Variants in CDIN1 observed in about 807,000 individuals in gnomAD.
CDIN1 encodes the protein CDAN1-interacting nuclease 1.
In CDIN1, 33 loss-of-function variants were observed where a neutral mutation model predicts 45.3. That is an observed-to-expected ratio of 0.73 (90% confidence interval 0.55 to 0.97). The LOEUF (loss-of-function observed/expected upper bound fraction) is 0.97, where lower values mean the gene tolerates loss of function less well. Among genes scored for constraint, CDIN1 ranks in the 50% least tolerant of loss-of-function variants. The pLI is 0.00. For synonymous variants in CDIN1, 118 were observed against 124.4 expected (o/e 0.95, Z 0.34); for missense variants, 303 against 339.4 (o/e 0.89, Z 0.84).
At chr15:36,692,099 C>G in intron 6 of CDIN1, 27 bp from the exon 7 acceptor site, 1 of 1,612,450 alleles carries the variant, frequency 6.2e-7, no homozygotes, top group Non-Finnish European at 8.5e-7. Flanking sequence ...CGCCCCACCC[C>G]AGACCCCTTT....
At chr15:36,594,065 C>G (rs1052258588) in intron 1 of CDIN1, among the ~76,000 whole-genome samples, 11 of 152,098 alleles carry the variant, frequency 7.2e-5, no homozygotes, top group Non-Finnish European at 1.2e-4. Flanking sequence ...CTTATTTTTG[C>G]AGTTCTGCTA....
chr15:36,648,002 G>A (rs2040410343), intron 3 of CDIN1, among the ~76,000 whole-genome samples: 2 of 152,076 alleles, frequency 1.3e-5, no homozygotes, highest in Non-Finnish European at 2.9e-5. Flanking sequence ...ACCACGCCCG[G>A]CTAATTTTTT....
intron 1 of CDIN1, among the ~76,000 whole-genome samples, chr15:36,626,248 T>C (rs1463142274): frequency 6.6e-6 from 1 of 151,872 alleles, no homozygotes; most frequent in Non-Finnish European, 1.5e-5. Context: ...AGGGAAGGCC[T>C]TATATATTAA....
At chr15:36,769,860 T>C (rs1042477029) in intron 10 of CDIN1, among the ~76,000 whole-genome samples, 4 of 152,128 alleles carry the variant, frequency 2.6e-5, no homozygotes, top group Non-Finnish European at 2.9e-5. Context: ...TCTAAGAACC[T>C]GTGCGATAAA....
At chr15:36,612,144 G>A (rs991375985) in intron 1 of CDIN1, among the ~76,000 whole-genome samples, 1 of 152,152 alleles carries the variant, frequency 6.6e-6, no homozygotes, top group Non-Finnish European at 1.5e-5. Context: ...ATCTTTCATG[G>A]CCATGGGACT....
At chr15:36,712,691 C>A (rs1468435741) in intron 10 of CDIN1, among the ~76,000 whole-genome samples, 1 of 152,096 alleles carries the variant, frequency 6.6e-6, no homozygotes, top group Non-Finnish European at 1.5e-5. Flanking sequence ...CTTAACTAAC[C>A]TTGAAAACAT....
intron 5 of CDIN1, among the ~76,000 whole-genome samples, chr15:36,672,975 A>G (rs1197075497): frequency 6.6e-6 from 1 of 152,050 alleles, no homozygotes; most frequent in Non-Finnish European, 1.5e-5. Context: ...AGGCATATTC[A>G]GTTCAGTTTA....
At chr15:36,672,455 A>G (rs940725688) in intron 5 of CDIN1, among the ~76,000 whole-genome samples, 1 of 152,080 alleles carries the variant, frequency 6.6e-6, no homozygotes, top group African/African-American at 2.4e-5. Flanking sequence ...GTCCTCCAGG[A>G]GCTTGCATCC....
intron 1 of CDIN1, among the ~76,000 whole-genome samples, chr15:36,644,048 G>T (rs1385223152): frequency 6.6e-6 from 1 of 152,130 alleles, no homozygotes; most frequent in East Asian, 1.9e-4. Flanking sequence ...AAAATAATGT[G>T]ATAGTTGCTT....
intron 1 of CDIN1, among the ~76,000 whole-genome samples, chr15:36,616,910 G>A (rs556800150): frequency 6.6e-6 from 1 of 151,876 alleles, no homozygotes; most frequent in Non-Finnish European, 1.5e-5. Flanking sequence ...GGGTGACACA[G>A]CAAGACTTAG....
chr15:36,670,338 T>G (rs1466185530), intron 5 of CDIN1, among the ~76,000 whole-genome samples: 2 of 152,110 alleles, frequency 1.3e-5, no homozygotes, highest in Non-Finnish European at 2.9e-5. Flanking sequence ...AGCGCTCCTC[T>G]TCAAGAACAC....
chr15:36,662,202 A>G (rs921948907), intron 5 of CDIN1, among the ~76,000 whole-genome samples: 1 of 152,178 alleles, frequency 6.6e-6, no homozygotes, highest in Non-Finnish European at 1.5e-5. Context: ...GTTAATAGTC[A>G]CATCATTTGA....
intron 10 of CDIN1, among the ~76,000 whole-genome samples, chr15:36,725,654 G>A (rs990477300): frequency 2.6e-5 from 4 of 152,232 alleles, no homozygotes; most frequent in African/African-American, 9.6e-5. Context: ...GTTAGTTGGA[G>A]GCAAGAGAAC....
intron 10 of CDIN1, among the ~76,000 whole-genome samples, chr15:36,767,566 G>A (rs137962066): frequency 2.0e-5 from 3 of 152,334 alleles, no homozygotes; most frequent in African/African-American, 7.2e-5. Context: ...CAGAGAAGCA[G>A]GTGGGCTTCA....
At chr15:36,696,946 TAAAAAAAAAAAA>T (rs1163749494) in intron 7 of CDIN1, among the ~76,000 whole-genome samples, 2 of 92,256 alleles carry the variant, frequency 2.2e-5, no homozygotes, top group East Asian at 3.3e-4. Flanking sequence ...ATTCCATTTC[TAAAAAAAAAAAA>T]AAAAAAAAAA....
chr15:36,751,229 T>TTTATATATATATATA lies in CDIN1; in HGVS notation c.716+41269_716+41270insTATATATATATATAT, dbSNP rs568110101. Among the ~76,000 whole-genome samples the TTTATATATATATATA allele has an allele frequency of 1.3e-3, 130 of 97,568 alleles. 1 individual carries two copies. The highest frequency in any genetic ancestry group is 5.3e-3 in the African/African-American group (123 of 23,112). The allele number at this position is 97,568 out of a possible 152,430, so 64.0% of individuals were successfully genotyped here. On this transcript the variant is annotated intron_variant, in intron 10 of 10. Coordinates refer to ENST00000566621, the MANE Select transcript of CDIN1 (RefSeq NM_001321759.2). ...ATAAAAGCATATATATATGCTTATT[T>TTTATATATATATATA]TATATATATATATATATATATATAT...
chr15:36,670,201 CATTTTA>C (rs2140531354), intron 5 of CDIN1, among the ~76,000 whole-genome samples: 2 of 152,170 alleles, frequency 1.3e-5, no homozygotes, highest in South Asian at 2.1e-4. Context: ...TTGTAGCATA[CATTTTA>C]ATTTTTTCTT....
chr15:36,617,257 A>G, intron 1 of CDIN1: 1 of 962,066 alleles, frequency 1.0e-6, no homozygotes, highest in Admixed American at 1.7e-5. Flanking sequence ...TCCTGAGGTT[A>G]ATGCAGAGCT....
At chr15:36,789,350 A>T (rs1226323730) in intron 10 of CDIN1, among the ~76,000 whole-genome samples, 3 of 152,234 alleles carry the variant, frequency 2.0e-5, no homozygotes, top group Non-Finnish European at 4.4e-5. Flanking sequence ...TAGAGTAAAC[A>T]AATATAGAAA....
Sources: gnomAD v4.1 joint callset for allele counts (sites outside exome capture counted in the v4.1 genomes callset) on GRCh38, gnomAD v4.1.1 for gene constraint, MANE v1.5 for transcripts, NCBI Gene and HGNC (gene_info 2026-07-23, HGNC 2026-07-21) for gene names.